The following SETD2 variants were observed in gnomAD, a reference collection of about 807,000 sequenced individuals.
The protein encoded by SETD2 is histone-lysine N-methyltransferase SETD2.
Under a neutral mutation model 242.1 loss-of-function variants are expected in SETD2, and 31 were observed. That is an observed-to-expected ratio of 0.13 (90% CI 0.10 to 0.17). The LOEUF (loss-of-function observed/expected upper bound fraction) is 0.17, where lower values mean the gene tolerates loss of function less well. SETD2 is among the 10% of genes least tolerant of loss of function. SETD2 has a pLI of 1.00. For synonymous variants in SETD2, 1,006 were observed against 1,066.5 expected (o/e 0.94, Z 1.11); for missense variants, 2,481 against 3,046.3 (o/e 0.81, Z 4.37).
chr3:47,088,345 A>G, intron 9 of SETD2, 98 bp from the exon 10 acceptor site: 1 of 1,264,136 alleles, frequency 7.9e-7, no homozygotes, highest in South Asian at 1.4e-5. Context: ...ATTATCAGGA[A>G]AACACAAATG....
At chr3:47,030,568 G>A (rs2038719109) in intron 18 of SETD2, among the ~76,000 whole-genome samples, 1 of 152,060 alleles carries the variant, frequency 6.6e-6, no homozygotes. Flanking sequence ...GATCTAAAAT[G>A]TACAAGAATC....
chr3:47,027,336 CAAAAAAAAAAAA>C (rs145911577), intron 18 of SETD2, among the ~76,000 whole-genome samples: 4 of 103,738 alleles, frequency 3.9e-5, no homozygotes, highest in South Asian at 3.0e-4. Context: ...GACTCCATCT[CAAAAAAAAAAAA>C]AAAAAAAAAA....
At chr3:47,050,846 T>C (rs2039803151) in intron 15 of SETD2, among the ~76,000 whole-genome samples, 1 of 147,768 alleles carries the variant, frequency 6.8e-6, no homozygotes, top group Non-Finnish European at 1.5e-5. Context: ...TTCTCCTGCC[T>C]CAGTCTCCTG....
chr3:47,026,743 G>C (rs1242616180), intron 18 of SETD2, among the ~76,000 whole-genome samples: 1 of 152,080 alleles, frequency 6.6e-6, no homozygotes, highest in Non-Finnish European at 1.5e-5. Context: ...ACTCATAAGT[G>C]GGAGTTGAAC....
At chr3:47,065,670 G>A (rs1376294162) in intron 13 of SETD2, among the ~76,000 whole-genome samples, 1 of 152,096 alleles carries the variant, frequency 6.6e-6, no homozygotes, top group African/African-American at 2.4e-5. Context: ...AGGCATGGTG[G>A]CACACACCTA....
At chr3:47,157,398 C>A (rs546809589) in intron 1 of SETD2, among the ~76,000 whole-genome samples, 1 of 152,238 alleles carries the variant, frequency 6.6e-6, no homozygotes, top group African/African-American at 2.4e-5. Flanking sequence ...CAGAACAAGT[C>A]CCTAAAAATA....
At chr3:47,150,028 CTTTTTTTT>C (rs71098457) in intron 1 of SETD2, among the ~76,000 whole-genome samples, 3 of 92,446 alleles carry the variant, frequency 3.2e-5, no homozygotes, top group South Asian at 3.8e-4. Flanking sequence ...TCCAAAAATA[CTTTTTTTT>C]TTTTTTTTTT....
chr3:47,150,260 G>T (rs1292612012), intron 1 of SETD2, among the ~76,000 whole-genome samples: 1 of 151,768 alleles, frequency 6.6e-6, no homozygotes, highest in Admixed American at 6.6e-5. Flanking sequence ...GGATGGTCTC[G>T]ATCTCCTGAC....
chr3:47,096,337 G>A (rs1034004616), intron 9 of SETD2, among the ~76,000 whole-genome samples: 34 of 152,164 alleles, frequency 2.2e-4, no homozygotes, highest in African/African-American at 4.6e-4. Context: ...AGCTTATTGT[G>A]AGAATTAAAT....
chr3:47,090,184 T>C (rs1193634438), intron 9 of SETD2, among the ~76,000 whole-genome samples: 1 of 150,806 alleles, frequency 6.6e-6, no homozygotes, highest in East Asian at 2.0e-4. Context: ...GAGGTGGAGG[T>C]TGCAGTGAAC....
chr3:47,108,592 G>GA (rs1262330292), intron 5 of SETD2, among the ~76,000 whole-genome samples: 3 of 152,176 alleles, frequency 2.0e-5, no homozygotes, highest in South Asian at 4.2e-4. Flanking sequence ...ACCTTATTTA[G>GA]AAAAAGTTCT....
At chr3:47,031,875 A>G (rs2038785752) in intron 18 of SETD2, among the ~76,000 whole-genome samples, 1 of 152,250 alleles carries the variant, frequency 6.6e-6, no homozygotes, top group South Asian at 2.1e-4. Flanking sequence ...AATCTATTAT[A>G]TAACAATACA....
chr3:47,094,719 C>T (rs1378983538), intron 9 of SETD2, among the ~76,000 whole-genome samples: 2 of 152,208 alleles, frequency 1.3e-5, no homozygotes, highest in African/African-American at 2.4e-5. Flanking sequence ...TCACATCATT[C>T]TAGGAACCTA....
At position 47,121,079 on chromosome 3, in the gene SETD2, G is replaced by GC; in HGVS notation, c.3556_3557insG (p.Ser1186CysfsTer12). ...TATTTTGGCTTTCACGGTTTCCTCTGAATTTGGGTGACCCAGAGGGTCAGA... is the reference window on the plus strand; with the variant it reads ...TATTTTGGCTTTCACGGTTTCCTCTGCAATTTGGGTGACCCAGAGGGTCAGA... On this transcript the variant is annotated frameshift_variant, in exon 3 of 21. Coordinates refer to ENST00000409792, the MANE Select transcript of SETD2 (RefSeq NM_014159.7). LOFTEE classifies it high-confidence loss of function. The GC allele has an allele frequency of 6.2e-7, 1 of 1,614,060 alleles. No homozygotes were observed.
chr3:47,159,329 C>T (rs1161798058), intron 1 of SETD2, among the ~76,000 whole-genome samples: 1 of 152,170 alleles, frequency 6.6e-6, no homozygotes, highest in Non-Finnish European at 1.5e-5. Context: ...TGAACTCCTC[C>T]TAATCTAGTC....
intron 9 of SETD2, among the ~76,000 whole-genome samples, chr3:47,092,081 T>C (rs964981178): frequency 2.0e-5 from 3 of 152,142 alleles, no homozygotes; most frequent in African/African-American, 7.2e-5. Flanking sequence ...ATTTCCAGGA[T>C]ATAAAGAAAA....
intron 18 of SETD2, among the ~76,000 whole-genome samples, chr3:47,023,785 C>T (rs553068728): frequency 1.3e-5 from 2 of 152,140 alleles, no homozygotes; most frequent in Non-Finnish European, 2.9e-5. Flanking sequence ...AGGTGATTTA[C>T]AGCATATGGG....
intron 1 of SETD2, among the ~76,000 whole-genome samples, chr3:47,145,067 G>GT (rs2043821258): frequency 6.6e-6 from 1 of 152,140 alleles, no homozygotes; most frequent in African/African-American, 2.4e-5. Context: ...TACGCAGCTG[G>GT]TTTTCATGCC....
At chr3:47,068,862 G>T (rs1037824021) in intron 12 of SETD2, among the ~76,000 whole-genome samples, 1 of 151,820 alleles carries the variant, frequency 6.6e-6, no homozygotes, top group Non-Finnish European at 1.5e-5. Flanking sequence ...GCAGTGGTGC[G>T]ATCTCAGCTC....
Sources: allele counts gnomAD v4.1 joint callset (sites outside exome capture counted in the v4.1 genomes callset), GRCh38; gene constraint gnomAD v4.1.1; transcripts MANE v1.5; gene names NCBI Gene and HGNC (gene_info 2026-07-23, HGNC 2026-07-21).